The following RAB7A variants were observed in gnomAD, a reference collection of about 807,000 sequenced individuals.
RAB7A encodes RAB7A, member RAS oncogene family, also known as ras-related protein Rab-7a.
A neutral mutation model predicts 24.5 loss-of-function variants in RAB7A; 2 were observed. The observed-to-expected ratio is 0.08, with a 90% CI of 0.03 to 0.26. RAB7A has a LOEUF of 0.26. Among genes scored for constraint, RAB7A ranks in the 10% least tolerant of loss-of-function variants. The probability of loss-of-function intolerance (pLI) is 1.00; values close to 1 mark genes in which losing one functional copy is unlikely to be tolerated. For synonymous variants in RAB7A, 100 were observed against 95.9 expected (o/e 1.04, Z -0.25); for missense variants, 118 against 255.7 (o/e 0.46, Z 3.67).
At chr3:128,754,679 C>CA (rs1468672564) in intron 1 of RAB7A, among the ~76,000 whole-genome samples, 2 of 151,928 alleles carry the variant, frequency 1.3e-5, no homozygotes, top group Non-Finnish European at 2.9e-5. Context: ...AGATGAAAGA[C>CA]AAAAAAATTT....
At chr3:128,776,495 G>A (rs996954937) in intron 1 of RAB7A, among the ~76,000 whole-genome samples, 1 of 152,150 alleles carries the variant, frequency 6.6e-6, no homozygotes, top group Admixed American at 6.5e-5. Flanking sequence ...ATGTTGCTTA[G>A]GCTGGTCTCA....
chr3:128,750,837 A>C (rs1164718838), intron 1 of RAB7A, among the ~76,000 whole-genome samples: 1 of 152,204 alleles, frequency 6.6e-6, no homozygotes, highest in African/African-American at 2.4e-5. Context: ...CTGGAGGCCT[A>C]GGAGAAGATG....
chr3:128,764,502 G>A (rs2070808049), intron 1 of RAB7A: 2 of 808,158 alleles, frequency 2.5e-6, no homozygotes, highest in Admixed American at 1.7e-5. Context: ...GGGTGTTCTT[G>A]TTAAAGATAT....
chr3:128,739,925 G>T (rs1386158540), intron 1 of RAB7A, among the ~76,000 whole-genome samples: 2 of 152,126 alleles, frequency 1.3e-5, no homozygotes, highest in Non-Finnish European at 2.9e-5. Flanking sequence ...AATTAGCCGG[G>T]CATGGTGGCA....
intron 1 of RAB7A, among the ~76,000 whole-genome samples, chr3:128,790,141 A>G (rs922311524): frequency 2.0e-5 from 3 of 152,226 alleles, no homozygotes; most frequent in African/African-American, 7.2e-5. Context: ...CTGGGAGAAC[A>G]TTAAGTACAA....
chr3:128,769,046 C>T (rs1446868648), intron 1 of RAB7A, among the ~76,000 whole-genome samples: 1 of 146,020 alleles, frequency 6.8e-6, no homozygotes, highest in East Asian at 2.0e-4. Context: ...GTGTACACCA[C>T]CACACCCAGC....
chr3:128,784,503 G>A lies in RAB7A; in HGVS notation c.-8-10857G>A, dbSNP rs561053599. ...TACCCTCCCCACTGCAGGCAGGCAGGGCGCTGGCTCTGCAGGATGAACACT... is the reference window on the plus strand; with the variant it reads ...TACCCTCCCCACTGCAGGCAGGCAGAGCGCTGGCTCTGCAGGATGAACACT... On this transcript the variant is annotated intron_variant, in intron 1 of 5. Transcript: ENST00000265062. Among the ~76,000 whole-genome samples, 429 of 152,300 alleles carry A rather than the reference G, an allele frequency of 2.8e-3. 1 individual carries two copies. The highest frequency in any genetic ancestry group is 0.01 in the Middle Eastern group (3 of 292).
rs543782151 is a variant in RAB7A, at chr3:128,806,488, A to G, written c.297A>G (p.Leu99=). ...DVTAPNTFKT[L]DSWRDEFLIQ... ...CTGCCCCCAACACATTCAAAACCCT[A>G]GATAGCTGGAGAGATGAGTTTCTCA... The change falls in exon 4 of 6, where the codon CTA becomes CTG. Residue 99 remains leucine (L), a synonymous_variant. Coordinates refer to ENST00000265062, the MANE Select transcript of RAB7A (RefSeq NM_004637.6). 3.1e-6 allele frequency: 5 copies of G among 1,613,994 alleles called. No individual in the cohort carries two copies. Among genetic ancestry groups the G allele is most frequent in the African/African-American group, 1.3e-5 (1 of 74,896 alleles).
chr3:128,809,929 C>G (rs1329995372), intron 5 of RAB7A, among the ~76,000 whole-genome samples: 1 of 81,226 alleles, frequency 1.2e-5, no homozygotes, highest in Non-Finnish European at 2.6e-5. Context: ...TTTCCTCTTG[C>G]CACAGTCTTT....
intron 1 of RAB7A, among the ~76,000 whole-genome samples, chr3:128,727,652 C>G (rs1452482141): frequency 6.6e-6 from 1 of 152,208 alleles, no homozygotes; most frequent in Non-Finnish European, 1.5e-5. Flanking sequence ...GTGAACCTTT[C>G]TTACAACCTT....
At chr3:128,731,878 C>A (rs2070441073) in intron 1 of RAB7A, among the ~76,000 whole-genome samples, 1 of 151,444 alleles carries the variant, frequency 6.6e-6, no homozygotes, top group Admixed American at 6.6e-5. Flanking sequence ...TAGTGGCATG[C>A]ACTGTAGTCC....
chr3:128,768,595 G>C (rs914713856), intron 1 of RAB7A, among the ~76,000 whole-genome samples: 2 of 152,080 alleles, frequency 1.3e-5, no homozygotes, highest in Admixed American at 6.6e-5. Flanking sequence ...GTCTCATTCT[G>C]TTGCGCAGGC....
chr3:128,750,309 T>G (rs553210453), intron 1 of RAB7A, among the ~76,000 whole-genome samples: 2 of 152,352 alleles, frequency 1.3e-5, no homozygotes, highest in South Asian at 4.1e-4. Flanking sequence ...TTGCCCAGGC[T>G]GGAGTGCCAT....
At chr3:128,783,094 C>G (rs1238796005) in intron 1 of RAB7A, among the ~76,000 whole-genome samples, 1 of 152,130 alleles carries the variant, frequency 6.6e-6, no homozygotes, top group Non-Finnish European at 1.5e-5. Context: ...GGCCTCTGGG[C>G]ATGTCCACTG....
rs918196135 is a variant in RAB7A, at chr3:128,746,148, T to G, written c.-9+19789T>G. Among the ~76,000 whole-genome samples, 65 of 152,228 alleles carry G rather than the reference T, an allele frequency of 4.3e-4. 1 individual carries two copies. Among genetic ancestry groups the G allele is most frequent in the African/African-American group, 1.5e-3 (64 of 41,458 alleles). Reference sequence around the variant, plus strand: ...GTAGATTAGAAAGTTATTCCTCCTGTCCGAAACATTGTACCCTTTGATAAA... The same window carrying G: ...GTAGATTAGAAAGTTATTCCTCCTGGCCGAAACATTGTACCCTTTGATAAA... On this transcript the variant is annotated intron_variant, in intron 1 of 5. Coordinates refer to ENST00000265062, the MANE Select transcript of RAB7A (RefSeq NM_004637.6).
chr3:128,758,082 C>T (rs1463737510), intron 1 of RAB7A, among the ~76,000 whole-genome samples: 1 of 152,066 alleles, frequency 6.6e-6, no homozygotes, highest in African/African-American at 2.4e-5. Flanking sequence ...CTGTCCTTGG[C>T]TTCGCAAATC....
intron 1 of RAB7A, among the ~76,000 whole-genome samples, chr3:128,781,627 GCT>G (rs1386682419): frequency 1.3e-5 from 2 of 152,190 alleles, no homozygotes; most frequent in Non-Finnish European, 2.9e-5. Flanking sequence ...CAGTGATCAT[GCT>G]CTACTGCACT....
In RAB7A at chr3:128,806,261, C is replaced by T. The variant is rs1559797409; in HGVS notation, c.181-111C>T. On this transcript the variant is annotated intron_variant, in intron 3 of 5. Coordinates refer to ENST00000265062, the MANE Select transcript of RAB7A (RefSeq NM_004637.6). ...CTTCCTGAAGTCTGGTGTCATTTGT[C>T]TTTGTGGGTGGCCCCACAATCTAGC... 6.6e-6 allele frequency: 6 copies of T among 915,174 alleles called. 1 individual carries two copies. Among genetic ancestry groups the T allele is most frequent in the South Asian group, 5.0e-5 (3 of 60,142 alleles). 56.7% of individuals were successfully genotyped at this position (915,174 alleles called of 1,614,324 possible).
At chr3:128,780,309 G>A (rs1261966902) in intron 1 of RAB7A, among the ~76,000 whole-genome samples, 1 of 152,192 alleles carries the variant, frequency 6.6e-6, no homozygotes, top group Non-Finnish European at 1.5e-5. Context: ...TTAATGCTTT[G>A]TTGTAACTAT....
Sources: gnomAD v4.1 joint callset for allele counts (sites outside exome capture counted in the v4.1 genomes callset) on GRCh38, gnomAD v4.1.1 for gene constraint, MANE v1.5 for transcripts, NCBI Gene and HGNC (gene_info 2026-07-23, HGNC 2026-07-21) for gene names.